HACL1: variants seen among roughly 807,000 people sequenced by gnomAD.
The protein encoded by HACL1 is 2-hydroxyacyl-CoA lyase 1.
HACL1 carries 64 observed loss-of-function variants against 74.2 expected under a neutral mutation model. The observed-to-expected ratio is 0.86, with a 90% CI of 0.70 to 1.06. The LOEUF is 1.06. HACL1 is among the 50% of genes least tolerant of loss of function. HACL1 has a pLI of 0.00. For synonymous variants in HACL1, 230 were observed against 238.8 expected, an observed-to-expected ratio of 0.96 and a Z score of 0.34; for missense variants, 728 against 719.7, an observed-to-expected ratio of 1.01 and a Z score of -0.13.
intron 4 of HACL1, among the ~76,000 whole-genome samples, chr3:15,591,191 T>C (rs920272502): frequency 6.6e-6 from 1 of 152,230 alleles, no homozygotes; most frequent in Non-Finnish European, 1.5e-5. Flanking sequence ...GATATTTTGA[T>C]GTACATATAG....
intron 5 of HACL1, 58 bp downstream of exon 5, chr3:15,589,482 G>T (rs1334323398): frequency 1.8e-6 from 2 of 1,101,624 alleles, no homozygotes; most frequent in African/African-American, 1.6e-5. Context: ...CAACAACAAA[G>T]CAAGATCCTG....
intron 16 of HACL1, among the ~76,000 whole-genome samples, chr3:15,561,297 C>A (rs1438288672): frequency 5.3e-5 from 8 of 152,198 alleles, no homozygotes; most frequent in Non-Finnish European, 1.2e-4. Flanking sequence ...ATACATATGG[C>A]CTGGACACAG....
At chr3:15,566,855 G>C (rs2063443214) in intron 14 of HACL1, among the ~76,000 whole-genome samples, 1 of 119,252 alleles carries the variant, frequency 8.4e-6, no homozygotes, top group Non-Finnish European at 1.6e-5. Flanking sequence ...GTCTTGCTCT[G>C]TCGCCCAGGC....
At chr3:15,570,693 T>A (rs983882668) in intron 12 of HACL1, among the ~76,000 whole-genome samples, 1 of 151,972 alleles carries the variant, frequency 6.6e-6, no homozygotes, top group African/African-American at 2.4e-5. Context: ...CTGACTCATT[T>A]TAGTGCTAGT....
At chr3:15,565,661 T>C (rs2063421587) in intron 14 of HACL1, among the ~76,000 whole-genome samples, 1 of 152,246 alleles carries the variant, frequency 6.6e-6, no homozygotes, top group Non-Finnish European at 1.5e-5. Flanking sequence ...ACTGTGGTAA[T>C]TATTTGCTCT....
chr3:15,573,081 G>C, intron 11 of HACL1, 78 bp downstream of exon 11: 2 of 812,528 alleles, frequency 2.5e-6, no homozygotes, highest in East Asian at 2.5e-5. Flanking sequence ...GTTACCAAGT[G>C]AATCAAGATT....
At chr3:15,570,029 C>T (rs907762293) in intron 12 of HACL1, among the ~76,000 whole-genome samples, 4 of 150,636 alleles carry the variant, frequency 2.7e-5, no homozygotes, top group African/African-American at 4.9e-5. Context: ...CAGATAGAAA[C>T]AGTCATTGAT....
At chr3:15,582,847 T>C in intron 8 of HACL1, 30 bp downstream of exon 8, 1 of 1,113,760 alleles carries the variant, frequency 9.0e-7, no homozygotes. Context: ...TTCAAAAGCC[T>C]AGCAAGATTT....
intron 9 of HACL1, 40 bp downstream of exon 9, chr3:15,579,870 C>T (rs2063691583): frequency 2.1e-6 from 3 of 1,426,882 alleles, no homozygotes; most frequent in Non-Finnish European, 2.9e-6. Flanking sequence ...AGCCTAAAAT[C>T]TACCAAGCCA....
At chr3:15,569,240 G>A (rs1455572037) in intron 12 of HACL1, among the ~76,000 whole-genome samples, 3 of 152,102 alleles carry the variant, frequency 2.0e-5, no homozygotes. Flanking sequence ...CTTCACCTAT[G>A]CTACTTTGTT....
intron 8 of HACL1, among the ~76,000 whole-genome samples, chr3:15,580,276 C>A (rs958893030): frequency 6.6e-6 from 1 of 152,128 alleles, no homozygotes; most frequent in Non-Finnish European, 1.5e-5. Context: ...TACAGACACA[C>A]ATCACCACCG....
intron 2 of HACL1, among the ~76,000 whole-genome samples, chr3:15,599,457 T>C (rs560046419): frequency 6.6e-6 from 1 of 152,076 alleles, no homozygotes; most frequent in African/African-American, 2.4e-5. Context: ...ACAAATCTAA[T>C]TACATCGCCC....
At chr3:15,576,049 A>G (rs13085938) in intron 9 of HACL1, among the ~76,000 whole-genome samples, 74,738 of 74,752 alleles carry the variant, frequency 1, 37,362 homozygotes, top group Middle Eastern at 1. Flanking sequence ...CCAGCTACTC[A>G]GGAGGCTGAG....
chr3:15,591,072 C>G (rs1456049473), intron 4 of HACL1, among the ~76,000 whole-genome samples: 2 of 152,058 alleles, frequency 1.3e-5, no homozygotes, highest in African/African-American at 2.4e-5. Flanking sequence ...CAGAGAGACT[C>G]CGTCTCAAAA....
At chr3:15,592,091 C>CAT (rs2125279706) in intron 3 of HACL1, among the ~76,000 whole-genome samples, 2 of 137,714 alleles carry the variant, frequency 1.5e-5, no homozygotes, top group African/African-American at 6.1e-5. Context: ...TATATATACA[C>CAT]ACACTATATA....
At chr3:15,599,209 C>T in intron 2 of HACL1, among the ~76,000 whole-genome samples, 1 of 152,228 alleles carries the variant, frequency 6.6e-6, no homozygotes, top group Non-Finnish European at 1.5e-5. Context: ...TGGCTGTAAG[C>T]CCCTTAAAGC....
intron 12 of HACL1, among the ~76,000 whole-genome samples, chr3:15,569,573 G>A (rs1187552789): frequency 6.6e-6 from 1 of 152,128 alleles, no homozygotes; most frequent in Non-Finnish European, 1.5e-5. Context: ...TGTAATCCCA[G>A]CACTTTGGGA....
At chr3:15,562,379 T>C (rs1423193671) in intron 16 of HACL1, among the ~76,000 whole-genome samples, 1 of 152,214 alleles carries the variant, frequency 6.6e-6, no homozygotes, top group East Asian at 1.9e-4. Flanking sequence ...CTCTCTCTGC[T>C]AGGAAGTAAA....
At chr3:15,576,154 C>CAAAAA (rs1185744343) in intron 9 of HACL1, among the ~76,000 whole-genome samples, 1 of 62,480 alleles carries the variant, frequency 1.6e-5, no homozygotes, top group Non-Finnish European at 3.2e-5. Context: ...GACTCTGTCT[C>CAAAAA]AAAAAAAAAA....
Sources: gnomAD v4.1 joint callset for allele counts (sites outside exome capture counted in the v4.1 genomes callset) on GRCh38, gnomAD v4.1.1 for gene constraint, MANE v1.5 for transcripts, NCBI Gene and HGNC (gene_info 2026-07-23, HGNC 2026-07-21) for gene names.